LCMT1: variants seen among roughly 807,000 people sequenced by gnomAD.
LCMT1 encodes leucine carboxyl methyltransferase 1.
A neutral mutation model predicts 47.7 loss-of-function variants in LCMT1; 32 were observed. The ratio of observed to expected loss-of-function variants is 0.67; its 90% CI spans 0.51 to 0.90. The LOEUF (loss-of-function observed/expected upper bound fraction) is 0.90, where lower values mean the gene tolerates loss of function less well. Among genes scored for constraint, LCMT1 ranks in the 40% least tolerant of loss-of-function variants. LCMT1 has a pLI of 0.00. For synonymous variants in LCMT1, 152 were observed against 149.7 expected (o/e 1.02, Z -0.11); for missense variants, 375 against 415.2 (o/e 0.90, Z 0.84).
At chr16:25,144,105 C>T (rs1048404500) in intron 4 of LCMT1, 10 of 152,258 alleles carry the variant, frequency 6.6e-5, no homozygotes, top group Non-Finnish European at 1.5e-4. Context: ...CAGTGAATGA[C>T]TGCCACCTGG....
intron 5 of LCMT1, among the ~76,000 whole-genome samples, chr16:25,154,248 G>A (rs1004134522): frequency 1.3e-5 from 2 of 151,542 alleles, no homozygotes; most frequent in Non-Finnish European, 2.9e-5. Context: ...TGCTAACCTC[G>A]TGATCCTCTG....
At chr16:25,144,816 C>T (rs1190871250) in intron 4 of LCMT1, 1 of 152,222 alleles carries the variant, frequency 6.6e-6, no homozygotes, top group African/African-American at 2.4e-5. Flanking sequence ...GAAAAATGAG[C>T]CACTGGCTTC....
At chr16:25,132,111 G>C in intron 2 of LCMT1, 1 of 449,442 alleles carries the variant, frequency 2.2e-6, no homozygotes, top group Non-Finnish European at 4.3e-6. Context: ...ATGGACTTTA[G>C]ACGTTTCAAT....
chr16:25,145,620 C>T (rs1039071735), intron 4 of LCMT1: 2 of 152,234 alleles, frequency 1.3e-5, no homozygotes, highest in African/African-American at 4.8e-5. Flanking sequence ...GCCTCATTAA[C>T]CCCCTTCAAG....
chr16:25,132,122 G>T, intron 2 of LCMT1: 1 of 466,102 alleles, frequency 2.1e-6, no homozygotes, highest in Non-Finnish European at 4.1e-6. Flanking sequence ...ACGTTTCAAT[G>T]TAAAACACTT....
rs1961716465 is a variant in LCMT1 at position 25,170,257 on chromosome 16, A to G, written c.793-457A>G. Among the ~76,000 whole-genome samples, 3 of 152,148 alleles carry G rather than the reference A, an allele frequency of 2.0e-5. No individual in the cohort carries two copies. The South Asian group carries it at 6.2e-4, about 32-fold the overall frequency. On this transcript the variant is annotated intron_variant, in intron 8 of 10. Coordinates refer to ENST00000399069, the MANE Select transcript of LCMT1 (RefSeq NM_016309.3). ...AATAAATAAATAGGTTCATTTTTAC[A>G]TATCTTTTGTCACATAACAATTAGA...
At chr16:25,139,090 T>C (rs1960595044) in intron 3 of LCMT1, among the ~76,000 whole-genome samples, 1 of 152,100 alleles carries the variant, frequency 6.6e-6, no homozygotes, top group Non-Finnish European at 1.5e-5. Flanking sequence ...GTATTTTTTG[T>C]AGAGATGAGG....
intron 2 of LCMT1, among the ~76,000 whole-genome samples, chr16:25,130,547 AG>A (rs1960319894): frequency 6.6e-6 from 1 of 152,078 alleles, no homozygotes; most frequent in Non-Finnish European, 1.5e-5. Flanking sequence ...GCTACTTGGG[AG>A]GCAGAGGTGG....
chr16:25,152,954 G>C (rs186811260), intron 5 of LCMT1, among the ~76,000 whole-genome samples: 1 of 152,142 alleles, frequency 6.6e-6, no homozygotes, highest in Non-Finnish European at 1.5e-5. Context: ...AGTTAAAGGG[G>C]TTTATTAGTA....
At chr16:25,125,016 C>G (rs1415228048) in intron 1 of LCMT1, among the ~76,000 whole-genome samples, 1 of 152,192 alleles carries the variant, frequency 6.6e-6, no homozygotes, top group Non-Finnish European at 1.5e-5. Context: ...TGAAAGAAGA[C>G]TGGGAAAATC....
Position 25,155,416 on chromosome 16 carries a change from G to A in LCMT1, c.466+3801G>A, listed in dbSNP as rs946525257. 2.4e-4 allele frequency among the ~76,000 whole-genome samples: 36 copies of A among 152,010 alleles called. 1 individual carries two copies. The highest frequency in any genetic ancestry group is 1.5e-5 in the Non-Finnish European group (1 of 67,982). On this transcript the variant is annotated intron_variant, in intron 5 of 10. Transcript: ENST00000399069. ...AAAAAAACTAGCTGGGCATGGTGGT[G>A]CACGCCTATAGTCCTAGCTACTTGG...
chr16:25,138,010 C>A (rs999806102), intron 3 of LCMT1, among the ~76,000 whole-genome samples: 16 of 152,174 alleles, frequency 1.1e-4, no homozygotes, highest in African/African-American at 3.1e-4. Flanking sequence ...ATGAATGGTT[C>A]TCTTACCTGC....
intron 1 of LCMT1, among the ~76,000 whole-genome samples, chr16:25,120,253 C>G (rs958501656): frequency 6.6e-6 from 1 of 150,770 alleles, no homozygotes; most frequent in Admixed American, 6.6e-5. Context: ...GATGGAGGTT[C>G]GCTCTTGTTG....
At chr16:25,116,717 C>CAA (rs61022139) in intron 1 of LCMT1, among the ~76,000 whole-genome samples, 1,063 of 63,490 alleles carry the variant, frequency 0.017, 19 homozygotes, top group African/African-American at 0.053. Context: ...CTCCTCTCCA[C>CAA]AAAAAAAAAA....
At chr16:25,148,529 G>A (rs187674545) in intron 4 of LCMT1, among the ~76,000 whole-genome samples, 7 of 152,298 alleles carry the variant, frequency 4.6e-5, no homozygotes, top group South Asian at 2.1e-4. Flanking sequence ...CCTTCCAGCC[G>A]TGTCAGTCCG....
At chr16:25,157,874 A>T (rs1211754396) in intron 5 of LCMT1, among the ~76,000 whole-genome samples, 2 of 152,226 alleles carry the variant, frequency 1.3e-5, no homozygotes, top group African/African-American at 2.4e-5. Flanking sequence ...TTGTCTCAGT[A>T]ATGTTTTCAT....
At chr16:25,133,538 AC>A (rs111969467) in intron 3 of LCMT1, among the ~76,000 whole-genome samples, 12 of 151,452 alleles carry the variant, frequency 7.9e-5, no homozygotes, top group African/African-American at 2.7e-4. Flanking sequence ...AGCTTGGACT[AC>A]AGGTGCACAC....
intron 2 of LCMT1, among the ~76,000 whole-genome samples, chr16:25,131,388 C>A (rs1004728243): frequency 6.6e-6 from 1 of 152,200 alleles, no homozygotes; most frequent in African/African-American, 2.4e-5. Flanking sequence ...GAGTGCCTCC[C>A]AAATGGTGTA....
chr16:25,132,056 G>T, intron 2 of LCMT1: 1 of 382,446 alleles, frequency 2.6e-6, no homozygotes, highest in South Asian at 2.2e-5. Flanking sequence ...GTTTACCCGA[G>T]TCCAGAGTGG....
Sources: allele counts gnomAD v4.1 joint callset (sites outside exome capture counted in the v4.1 genomes callset), GRCh38; gene constraint gnomAD v4.1.1; transcripts MANE v1.5; gene names NCBI Gene and HGNC (gene_info 2026-07-23, HGNC 2026-07-21).